Variants in EML4 observed in about 807,000 individuals in gnomAD.
EML4 encodes EMAP like 4, also known as echinoderm microtubule-associated protein-like 4.
Under a neutral mutation model 129.0 loss-of-function variants are expected in EML4, and 72 were observed. That is an observed-to-expected ratio of 0.56 (90% CI 0.46 to 0.68). The LOEUF (loss-of-function observed/expected upper bound fraction) is 0.68. Among genes scored for constraint, EML4 ranks in the 30% least tolerant of loss-of-function variants. The probability of loss-of-function intolerance (pLI) is 0.00; values close to 1 mark genes in which losing one functional copy is unlikely to be tolerated. For synonymous variants in EML4, 532 were observed against 405.0 expected, an observed-to-expected ratio of 1.31 and a Z score of -3.77; for missense variants, 1,363 against 1,190.6, an observed-to-expected ratio of 1.14 and a Z score of -2.13.
chr2:42,175,425 T>A (rs975787630), intron 1 of EML4, among the ~76,000 whole-genome samples: 1 of 152,164 alleles, frequency 6.6e-6, no homozygotes, highest in African/African-American at 2.4e-5. Context: ...GAGTGTGTTA[T>A]TTTTTTAAAA....
chr2:42,170,769 C>G (rs1166733835), intron 1 of EML4, among the ~76,000 whole-genome samples: 1 of 152,186 alleles, frequency 6.6e-6, no homozygotes, highest in Non-Finnish European at 1.5e-5. Context: ...ATTCAGACGC[C>G]TTTCTTTTAC....
At chr2:42,291,285 T>C (rs1667624788) in intron 11 of EML4, among the ~76,000 whole-genome samples, 1 of 152,168 alleles carries the variant, frequency 6.6e-6, no homozygotes, top group Admixed American at 6.5e-5. Flanking sequence ...AGTAAAGCTT[T>C]TAGAAGAAAA....
chr2:42,226,075 G>A (rs1251307133), intron 1 of EML4, among the ~76,000 whole-genome samples: 1 of 151,890 alleles, frequency 6.6e-6, no homozygotes, highest in Non-Finnish European at 1.5e-5. Context: ...GTAAAATAAT[G>A]TATTGGATCT....
At position 42,330,017 on chromosome 2, in the gene EML4, C is replaced by T; in HGVS notation, c.2756C>T (p.Ser919Phe). 6.2e-7 allele frequency: 1 copy of T among 1,613,836 alleles called. No homozygotes were observed. The highest frequency in any genetic ancestry group is 8.5e-7 in the Non-Finnish European group (1 of 1,180,006). ...GAAGAGGAAAGTAGAATAAGCAGTTCTCCCACACTTCTGGAGAACAGCCTG... is the reference window on the plus strand; with the variant it reads ...GAAGAGGAAAGTAGAATAAGCAGTTTTCCCACACTTCTGGAGAACAGCCTG... ...TAEEESRISS[S>F]PTLLENSLEQ... Residue 919 changes from serine (S) to phenylalanine (F), a missense_variant, in exon 23 of 23, where the codon TCT becomes TTT. Ser to Phe is a radical substitution (Grantham distance 155). Coordinates refer to ENST00000318522, the MANE Select transcript of EML4 (RefSeq NM_019063.5).
At chr2:42,277,124 T>C (rs1184784233) in intron 6 of EML4, among the ~76,000 whole-genome samples, 3 of 152,210 alleles carry the variant, frequency 2.0e-5, no homozygotes, top group Non-Finnish European at 4.4e-5. Context: ...TAAGTGGTGA[T>C]AGAAGCATCT....
chr2:42,264,390 T>C (rs150936650), intron 5 of EML4, among the ~76,000 whole-genome samples: 1 of 152,320 alleles, frequency 6.6e-6, no homozygotes, highest in East Asian at 1.9e-4. Context: ...AGTGCTAGGA[T>C]TACAGGTGTG....
At chr2:42,295,284 C>T (rs772049490) in intron 12 of EML4, 25 bp downstream of exon 12, 2 of 1,608,698 alleles carry the variant, frequency 1.2e-6, no homozygotes, top group Middle Eastern at 1.7e-4. Context: ...GTTTTAATGT[C>T]ATTAGGTGTA....
chr2:42,302,697 C>A lies in EML4; in HGVS notation c.1642-407C>A, dbSNP rs536358136. 2.0e-4 allele frequency among the ~76,000 whole-genome samples: 30 copies of A among 152,118 alleles called. 1 individual carries two copies. In the South Asian group the frequency reaches 5.8e-3, roughly 30 times the overall value. The stretch of plus-strand genomic sequence containing the variant: ...TATAGGCGCCCGCCACCGCACCTGG[C>A]TGATTTTTATATTTTTAGTAGAGAC... On this transcript the variant is annotated intron_variant, in intron 14 of 22. Transcript: ENST00000318522.
At chr2:42,201,094 G>A (rs1021616607) in intron 1 of EML4, among the ~76,000 whole-genome samples, 1 of 152,058 alleles carries the variant, frequency 6.6e-6, no homozygotes, top group Non-Finnish European at 1.5e-5. Context: ...CAATCAAGTC[G>A]AATTTCTGAA....
At chr2:42,209,518 T>A (rs1405710180) in intron 1 of EML4, among the ~76,000 whole-genome samples, 5 of 152,200 alleles carry the variant, frequency 3.3e-5, no homozygotes, top group African/African-American at 1.2e-4. Flanking sequence ...TTAAAAAGGA[T>A]TTCCTCATAA....
chr2:42,200,208 C>T (rs1672142250), intron 1 of EML4, among the ~76,000 whole-genome samples: 1 of 151,466 alleles, frequency 6.6e-6, no homozygotes, highest in Admixed American at 6.6e-5. Context: ...ACCTGTAGTC[C>T]CAGCTACTCG....
intron 17 of EML4, among the ~76,000 whole-genome samples, chr2:42,307,107 G>C (rs1000070075): frequency 3.3e-5 from 5 of 152,192 alleles, no homozygotes; most frequent in African/African-American, 1.2e-4. Flanking sequence ...GGCTAGCGGG[G>C]TTTGAATCAT....
chr2:42,231,628 A>C (rs551405048), intron 1 of EML4, among the ~76,000 whole-genome samples: 1 of 152,240 alleles, frequency 6.6e-6, no homozygotes, highest in Admixed American at 6.5e-5. Flanking sequence ...TATTCCATCA[A>C]TTCTGTCTTG....
intron 1 of EML4, among the ~76,000 whole-genome samples, chr2:42,219,884 CT>C (rs143650416): frequency 0.01 from 1,536 of 150,298 alleles, 27 homozygotes; most frequent in African/African-American, 0.035. Flanking sequence ...CAAGATCGTG[CT>C]ACTGCAGTGC....
At chr2:42,186,116 G>T (rs561689349) in intron 1 of EML4, among the ~76,000 whole-genome samples, 2 of 152,150 alleles carry the variant, frequency 1.3e-5, no homozygotes, top group Non-Finnish European at 2.9e-5. Context: ...GAACTTTGCT[G>T]TGTCTGTTTT....
intron 1 of EML4, among the ~76,000 whole-genome samples, chr2:42,226,660 A>AT (rs1673982273): frequency 6.7e-6 from 1 of 148,688 alleles, no homozygotes; most frequent in Non-Finnish European, 1.5e-5. Context: ...CTGTCTCAAA[A>AT]TAAAATAAAA....
chr2:42,331,137 G>C lies in EML4; in HGVS notation c.*930G>C, dbSNP rs1670081376. On this transcript the variant is annotated 3_prime_UTR_variant, in exon 23 of 23. Coordinates refer to ENST00000318522, the MANE Select transcript of EML4 (RefSeq NM_019063.5). ...CAGTAATAGGAGAAATATAAATACA[G>C]TAAGTTTAGATTATTGAATTGGTGC... 4.6e-6 allele frequency: 1 copy of C among 218,400 alleles called. No individual in the cohort carries two copies. The highest frequency in any genetic ancestry group is 1.9e-4 in the South Asian group (1 of 5,390). 13.5% of individuals were successfully genotyped at this position (218,400 alleles called of 1,614,324 possible). A position where few individuals can be genotyped will look rare whatever the true frequency, so the allele number is the denominator to read the frequency against.
At chr2:42,235,763 C>T (rs558020955) in intron 1 of EML4, among the ~76,000 whole-genome samples, 24 of 151,462 alleles carry the variant, frequency 1.6e-4, no homozygotes, top group Non-Finnish European at 3.1e-4. Context: ...TAGAGTCATA[C>T]TATTAGGCCT....
At chr2:42,235,864 A>G (rs754669557) in intron 1 of EML4, among the ~76,000 whole-genome samples, 1 of 152,132 alleles carries the variant, frequency 6.6e-6, no homozygotes, top group Non-Finnish European at 1.5e-5. Context: ...TTGTTTTGGA[A>G]CTTAATTCAC....
Sources: gnomAD v4.1 joint callset for allele counts (sites outside exome capture counted in the v4.1 genomes callset) on GRCh38, gnomAD v4.1.1 for gene constraint, MANE v1.5 for transcripts, NCBI Gene and HGNC (gene_info 2026-07-23, HGNC 2026-07-21) for gene names.